TENM2: variants seen among roughly 807,000 people sequenced by gnomAD.
TENM2 encodes the protein teneurin transmembrane protein 2.
A neutral mutation model predicts 245.2 loss-of-function variants in TENM2; 52 were observed. That is an observed-to-expected ratio of 0.21 (90% CI 0.17 to 0.27). TENM2 has a LOEUF of 0.27. Ranked by LOEUF, TENM2 falls within the 10% of genes least tolerant of loss-of-function variation. The pLI, the probability that TENM2 is intolerant of heterozygous loss-of-function variation, is 1.00. For missense variants in TENM2, 3,046 were observed against 3,666.8 expected (o/e 0.83, Z 4.37); for synonymous variants, 1,363 against 1,438.9 (o/e 0.95, Z 1.19).
the TENM2 span, among the ~76,000 whole-genome samples, chr5:167,256,337 C>A: frequency 6.6e-6 from 1 of 152,094 alleles, no homozygotes; most frequent in Admixed American, 6.6e-5. Context: ...CCAGTTGTTA[C>A]CCCCATGACA....
At chr5:167,328,408 A>C (rs1757226658) in intron 1 of TENM2, among the ~76,000 whole-genome samples, 1 of 151,902 alleles carries the variant, frequency 6.6e-6, no homozygotes, top group Admixed American at 6.6e-5. Context: ...GGGTTTCACC[A>C]AGAGATGGGG....
At chr5:167,321,995 GT>G (rs964871765) in intron 1 of TENM2, among the ~76,000 whole-genome samples, 11 of 151,028 alleles carry the variant, frequency 7.3e-5, no homozygotes, top group African/African-American at 2.4e-4. Flanking sequence ...CGTCTGACTA[GT>G]TTTTTTTGTA....
At chr5:167,433,962 CAT>C (rs1169629697) in intron 2 of TENM2, among the ~76,000 whole-genome samples, 1 of 152,032 alleles carries the variant, frequency 6.6e-6, no homozygotes, top group East Asian at 1.9e-4. Context: ...ATCAATGTAA[CAT>C]ATCTTTGTAT....
chr5:167,077,353 A>G, the TENM2 span, among the ~76,000 whole-genome samples: 1 of 152,168 alleles, frequency 6.6e-6, no homozygotes, highest in African/African-American at 2.4e-5. Flanking sequence ...TTTAGCATAA[A>G]TTATGTTATT....
At chr5:167,894,983 AAG>A (rs1183911777) in intron 3 of TENM2, among the ~76,000 whole-genome samples, 3 of 131,370 alleles carry the variant, frequency 2.3e-5, no homozygotes, top group Admixed American at 7.7e-5. Context: ...GGAAGGAAGG[AAG>A]GAAGGAGGGA....
chr5:167,985,396 G>A (rs1783165997), intron 4 of TENM2, among the ~76,000 whole-genome samples: 1 of 152,198 alleles, frequency 6.6e-6, no homozygotes, highest in South Asian at 2.1e-4. Flanking sequence ...GTCGACACCT[G>A]GTTTCCCTGA....
At chr5:167,531,194 G>C (rs985581043) in intron 2 of TENM2, among the ~76,000 whole-genome samples, 1 of 152,128 alleles carries the variant, frequency 6.6e-6, no homozygotes, top group Non-Finnish European at 1.5e-5. Flanking sequence ...TCTGCGGATT[G>C]TTGTTTCTGT....
At chr5:167,037,877 C>A in the TENM2 span, among the ~76,000 whole-genome samples, 1 of 152,188 alleles carries the variant, frequency 6.6e-6, no homozygotes, top group Admixed American at 6.5e-5. Flanking sequence ...GTTCAAGACC[C>A]ACTCCCACTT....
intron 12 of TENM2, among the ~76,000 whole-genome samples, chr5:168,150,541 AG>A (rs1355313557): frequency 6.6e-6 from 1 of 152,002 alleles, no homozygotes; most frequent in African/African-American, 2.4e-5. Context: ...GAGTGGATCA[AG>A]CTCTAGACTG....
At chr5:167,110,812 G>T in the TENM2 span, among the ~76,000 whole-genome samples, 1 of 152,170 alleles carries the variant, frequency 6.6e-6, no homozygotes, top group African/African-American at 2.4e-5. Context: ...AAAAAGAGAA[G>T]AGACATCTAC....
In TENM2 at chr5:168,068,845, T is replaced by TTGTG. The variant is rs34926603; in HGVS notation, c.1515+6602_1515+6605dup. Reference sequence around the variant, plus strand: ...CTTAATTTCTGTAATCTCTGTGTGTTTGTGTGTGTGTGTGTGTGTGTGTGT... The same window carrying TTGTG: ...CTTAATTTCTGTAATCTCTGTGTGTTTGTGTGTGTGTGTGTGTGTGTGTGTGTGT... On this transcript the variant is annotated intron_variant, in intron 7 of 28. Coordinates refer to ENST00000518659, the Ensembl canonical transcript of TENM2. Among the ~76,000 whole-genome samples, 905 of 150,590 alleles carry TTGTG rather than the reference T, an allele frequency of 6.0e-3. 7 individuals carry two copies. Among genetic ancestry groups the TTGTG allele is most frequent in the South Asian group, 0.023 (109 of 4,726 alleles).
At chr5:168,015,889 A>G (rs1409610021) in intron 5 of TENM2, among the ~76,000 whole-genome samples, 1 of 152,198 alleles carries the variant, frequency 6.6e-6, no homozygotes, top group African/African-American at 2.4e-5. Flanking sequence ...TCTCTCCGTA[A>G]GAAGAATTGT....
chr5:167,571,922 C>T (rs1774289796), intron 2 of TENM2, among the ~76,000 whole-genome samples: 2 of 152,092 alleles, frequency 1.3e-5, no homozygotes, highest in African/African-American at 4.8e-5. Context: ...GCAAAATGTC[C>T]GCAGAGATTT....
At chr5:167,026,285 C>T in the TENM2 span, among the ~76,000 whole-genome samples, 1 of 152,172 alleles carries the variant, frequency 6.6e-6, no homozygotes, top group Non-Finnish European at 1.5e-5. Flanking sequence ...TTGGATAGAA[C>T]TTAGATGTGC....
chr5:167,344,309 C>CACACATATATATAT (rs1554136979), intron 1 of TENM2, among the ~76,000 whole-genome samples: 1 of 84,504 alleles, frequency 1.2e-5, no homozygotes, highest in Middle Eastern at 6.6e-3. Flanking sequence ...CACACACACA[C>CACACATATATATAT]ATATATATAT....
chr5:167,420,740 T>C (rs975932094), intron 2 of TENM2, among the ~76,000 whole-genome samples: 3 of 152,186 alleles, frequency 2.0e-5, no homozygotes, highest in Admixed American at 6.5e-5. Flanking sequence ...GACAGCACCA[T>C]CATTCTCTAC....
chr5:168,019,720 C>A (rs1335317554), intron 5 of TENM2, among the ~76,000 whole-genome samples: 1 of 152,224 alleles, frequency 6.6e-6, no homozygotes, highest in Non-Finnish European at 1.5e-5. Context: ...GCTGGAGTTT[C>A]TGGGACAAAA....
intron 2 of TENM2, among the ~76,000 whole-genome samples, chr5:167,430,236 T>C (rs917268988): frequency 2.0e-5 from 3 of 152,228 alleles, no homozygotes; most frequent in Non-Finnish European, 4.4e-5. Flanking sequence ...GATTGAATCC[T>C]GACTCTGCCA....
At position 167,692,884 on chromosome 5, in the gene TENM2, A is replaced by G. The variant is rs572447696; in HGVS notation, c.503-183102A>G. 4.6e-5 allele frequency among the ~76,000 whole-genome samples: 7 copies of G among 152,314 alleles called. No individual in the cohort carries two copies. In the South Asian group the frequency reaches 1.5e-3, roughly 32 times the overall value. ...TGTTGCATATGCACTCATGCTGGGA[A>G]TGAGGCCATTTTGAGCTCCTCCACT... On this transcript the variant is annotated intron_variant, in intron 2 of 28. Transcript: ENST00000518659.
Sources: allele counts gnomAD v4.1 joint callset (sites outside exome capture counted in the v4.1 genomes callset), GRCh38; gene constraint gnomAD v4.1.1; transcripts MANE v1.5; gene names NCBI Gene and HGNC (gene_info 2026-07-23, HGNC 2026-07-21).